Variants in NALCN observed in about 807,000 individuals in gnomAD.
NALCN encodes the protein sodium leak channel, non-selective.
Under a neutral mutation model 225.3 loss-of-function variants are expected in NALCN, and 111 were observed. The ratio of observed to expected loss-of-function variants is 0.49; its 90% confidence interval spans 0.42 to 0.58. The LOEUF (loss-of-function observed/expected upper bound fraction) is 0.58. NALCN is among the 20% of genes least tolerant of loss of function. NALCN has a pLI of 0.00. For synonymous variants in NALCN, 764 were observed against 769.0 expected (o/e 0.99, Z 0.11); for missense variants, 1,378 against 2,202.4 (o/e 0.63, Z 7.49).
chr13:101,114,425 TTCTCTCTCTC>T (rs10538126), intron 18 of NALCN, among the ~76,000 whole-genome samples: 4 of 147,540 alleles, frequency 2.7e-5, no homozygotes, highest in South Asian at 2.2e-4. Context: ...AGCATATTCA[TTCTCTCTCTC>T]TCTCTCTCTC....
At chr13:101,155,100 C>T (rs1726177594) in intron 15 of NALCN, among the ~76,000 whole-genome samples, 1 of 141,720 alleles carries the variant, frequency 7.1e-6, no homozygotes, top group Admixed American at 7.0e-5. Flanking sequence ...AAATTCTCAT[C>T]CTGTTTACAA....
chr13:101,197,573 T>C (rs572413103), intron 13 of NALCN, among the ~76,000 whole-genome samples: 30 of 152,304 alleles, frequency 2.0e-4, no homozygotes, highest in Non-Finnish European at 3.5e-4. Context: ...AGTAACATTA[T>C]CACATATTAA....
chr13:101,249,778 C>T (rs2042008461), intron 11 of NALCN, among the ~76,000 whole-genome samples: 1 of 151,872 alleles, frequency 6.6e-6, no homozygotes, highest in African/African-American at 2.4e-5. Context: ...CTATAAAAAC[C>T]TACAAATGAC....
chr13:101,376,311 A>AT (rs1257134603), intron 6 of NALCN, among the ~76,000 whole-genome samples: 1 of 152,148 alleles, frequency 6.6e-6, no homozygotes, highest in East Asian at 1.9e-4. Context: ...ACCAGGTTAC[A>AT]TTTTCCAATC....
At chr13:101,398,727 T>C (rs2047384069) in intron 2 of NALCN, among the ~76,000 whole-genome samples, 1 of 152,080 alleles carries the variant, frequency 6.6e-6, no homozygotes, top group South Asian at 2.1e-4. Context: ...GACCCCAGCT[T>C]TGGATCAGCC....
intron 11 of NALCN, among the ~76,000 whole-genome samples, chr13:101,238,123 A>G (rs576316917): frequency 6.6e-6 from 1 of 152,038 alleles, no homozygotes; most frequent in African/African-American, 2.4e-5. Flanking sequence ...ATCTTAAACA[A>G]TTATAAAAAC....
rs189054693 is a variant in NALCN at position 101,241,319 on chromosome 13, T to A, written c.1267-3397A>T. Among the ~76,000 whole-genome samples the A allele has an allele frequency of 2.8e-4, 42 of 152,310 alleles. No individual in the cohort carries two copies. In the East Asian group the frequency reaches 4.1e-3, roughly 15 times the overall value. ...ACCTGGGTCATCTTAGAAATTTGGGTCCCCCTTAAATCAACTTTTGGCTGC... is the reference window on the plus strand; with the variant it reads ...ACCTGGGTCATCTTAGAAATTTGGGACCCCCTTAAATCAACTTTTGGCTGC... On this transcript the variant is annotated intron_variant, in intron 11 of 43. Transcript: ENST00000251127.
intron 6 of NALCN, among the ~76,000 whole-genome samples, chr13:101,350,660 C>T (rs186560917): frequency 6.6e-6 from 1 of 152,228 alleles, no homozygotes; most frequent in East Asian, 1.9e-4. Flanking sequence ...AGTATGGTGC[C>T]TGGCTGTTTG....
chr13:101,131,717 C>T (rs1283130516), intron 17 of NALCN, among the ~76,000 whole-genome samples: 1 of 152,176 alleles, frequency 6.6e-6, no homozygotes, highest in East Asian at 1.9e-4. Flanking sequence ...AATCATGTGG[C>T]TGTTTGTCAA....
At chr13:101,174,534 T>C (rs1330342437) in intron 15 of NALCN, among the ~76,000 whole-genome samples, 2 of 152,168 alleles carry the variant, frequency 1.3e-5, no homozygotes, top group African/African-American at 4.8e-5. Context: ...GAAATGCCTA[T>C]TGTGACCACT....
At chr13:101,328,606 A>C (rs1035084308) in intron 7 of NALCN, among the ~76,000 whole-genome samples, 3 of 152,152 alleles carry the variant, frequency 2.0e-5, no homozygotes, top group Admixed American at 2.0e-4. Context: ...CCCACTTTCT[A>C]TCTGTGTGAC....
At chr13:101,103,467 G>C in intron 25 of NALCN, 128 bp from the exon 26 acceptor site, 3 of 1,105,550 alleles carry the variant, frequency 2.7e-6, no homozygotes, top group Non-Finnish European at 3.8e-6. Flanking sequence ...CGTGCCATCT[G>C]TTAACTTTAA....
rs113354194 is a variant in NALCN at position 101,073,687 on chromosome 13, GA to G, written c.4104-11del. On this transcript the variant is annotated splice_polypyrimidine_tract_variant and intron_variant, in intron 36 of 43. Transcript: ENST00000251127. Reference sequence around the variant, plus strand: ...AGAAAAATTTGCATGCCTAATTTAAGAAAAAAAAATTAACAGAATGTGAATT... The same window carrying G: ...AGAAAAATTTGCATGCCTAATTTAAGAAAAAAAATTAACAGAATGTGAATT... 79 of 1,595,156 alleles carry G rather than the reference GA, an allele frequency of 5.0e-5. No homozygotes were observed. Among genetic ancestry groups the G allele is most frequent in the Admixed American group, 2.6e-4 (15 of 58,636 alleles).
Position 101,371,231 on chromosome 13 carries a change from A to G in NALCN, c.644+5469T>C, listed in dbSNP as rs370093685. Among the ~76,000 whole-genome samples, 14 of 152,296 alleles carry G rather than the reference A, an allele frequency of 9.2e-5. No individual in the cohort carries two copies. The South Asian group carries it at 2.5e-3, about 27-fold the overall frequency. Reference sequence around the variant, plus strand: ...TGGGCATTCATGTGTAAATCTTTCTATGGACATACATTTTTATTTATTTTG... The same window carrying G: ...TGGGCATTCATGTGTAAATCTTTCTGTGGACATACATTTTTATTTATTTTG... On this transcript the variant is annotated intron_variant, in intron 6 of 43. Coordinates refer to ENST00000251127, the MANE Select transcript of NALCN (RefSeq NM_052867.4).
chr13:101,227,376 G>A (rs753999398), intron 13 of NALCN, among the ~76,000 whole-genome samples: 17 of 152,004 alleles, frequency 1.1e-4, no homozygotes, highest in African/African-American at 4.1e-4. Flanking sequence ...GACCCTTCTT[G>A]CCAGACACAC....
chr13:101,175,398 G>A (rs755228596), intron 15 of NALCN, among the ~76,000 whole-genome samples: 1 of 151,718 alleles, frequency 6.6e-6, no homozygotes, highest in Non-Finnish European at 1.5e-5. Context: ...TTTTTGCTTT[G>A]TTAAAAATAG....
chr13:101,092,611 T>G (rs1247631615), intron 28 of NALCN, among the ~76,000 whole-genome samples: 4 of 152,180 alleles, frequency 2.6e-5, no homozygotes, highest in South Asian at 4.1e-4. Flanking sequence ...TCTTTGGCCC[T>G]GCATAGTTGG....
intron 13 of NALCN, among the ~76,000 whole-genome samples, chr13:101,212,097 G>A (rs1403978687): frequency 6.6e-6 from 1 of 152,016 alleles, no homozygotes; most frequent in African/African-American, 2.4e-5. Flanking sequence ...CCATCCTTTG[G>A]TCATATGTCC....
chr13:101,252,259 C>A lies in NALCN; in HGVS notation c.1266+6184G>T, dbSNP rs573395206. 1.3e-3 allele frequency among the ~76,000 whole-genome samples: 191 copies of A among 152,180 alleles called. 7 individuals are homozygous for A. In the South Asian group the frequency reaches 0.036, roughly 29 times the overall value. On this transcript the variant is annotated intron_variant, in intron 11 of 43. Coordinates refer to ENST00000251127, the MANE Select transcript of NALCN (RefSeq NM_052867.4). Reference sequence around the variant, plus strand: ...TGCCATGTAAGAAAGGATACTAGGCCCTTCTTCCTCTCTGTTCTCTGACTT... The same window carrying A: ...TGCCATGTAAGAAAGGATACTAGGCACTTCTTCCTCTCTGTTCTCTGACTT...
Sources: allele counts gnomAD v4.1 joint callset (sites outside exome capture counted in the v4.1 genomes callset), GRCh38; gene constraint gnomAD v4.1.1; transcripts MANE v1.5; gene names NCBI Gene and HGNC (gene_info 2026-07-23, HGNC 2026-07-21).